The following CALN1 variants were observed in gnomAD, a reference collection of about 807,000 sequenced individuals.
CALN1 encodes the protein calcium-binding protein 8.
Under a neutral mutation model 30.6 loss-of-function variants are expected in CALN1, and 17 were observed. The ratio of observed to expected loss-of-function variants is 0.56; its 90% CI spans 0.38 to 0.83. The LOEUF (loss-of-function observed/expected upper bound fraction) is 0.83, where lower values mean the gene tolerates loss of function less well. Among genes scored for constraint, CALN1 ranks in the 40% least tolerant of loss-of-function variants. The pLI, the probability that CALN1 is intolerant of heterozygous loss-of-function variation, is 0.00. For synonymous variants in CALN1, 156 were observed against 131.4 expected (o/e 1.19, Z -1.28); for missense variants, 291 against 354.9 (o/e 0.82, Z 1.45).
chr7:71,864,413 T>C (rs964276782), intron 5 of CALN1, among the ~76,000 whole-genome samples: 1 of 152,176 alleles, frequency 6.6e-6, no homozygotes, highest in Non-Finnish European at 1.5e-5. Flanking sequence ...CAAGGATTCA[T>C]GGGCAGCCTG....
chr7:72,005,590 C>T (rs971744340), intron 5 of CALN1, among the ~76,000 whole-genome samples: 5 of 152,116 alleles, frequency 3.3e-5, no homozygotes, highest in African/African-American at 1.2e-4. Context: ...CCTCAGCCTC[C>T]CAAGTGCTAG....
intron 5 of CALN1, among the ~76,000 whole-genome samples, chr7:71,985,340 C>G (rs1798607646): frequency 6.6e-6 from 1 of 152,060 alleles, no homozygotes; most frequent in African/African-American, 2.4e-5. Flanking sequence ...TGAAACAAAG[C>G]TCTTTAGAAA....
intron 5 of CALN1, among the ~76,000 whole-genome samples, chr7:71,976,134 CTT>C (rs1798091705): frequency 6.6e-6 from 1 of 151,906 alleles, no homozygotes; most frequent in African/African-American, 2.4e-5. Context: ...CCACCATTGA[CTT>C]TATTTGAACA....
chr7:72,070,571 C>G (rs917573247), intron 4 of CALN1, among the ~76,000 whole-genome samples: 1 of 152,162 alleles, frequency 6.6e-6, no homozygotes. Context: ...TCTCCCACTT[C>G]GTTCTTCTTC....
chr7:72,282,031 T>C (rs1797764365), intron 2 of CALN1, among the ~76,000 whole-genome samples: 1 of 152,100 alleles, frequency 6.6e-6, no homozygotes, highest in Non-Finnish European at 1.5e-5. Context: ...GAAGAAACCA[T>C]GAGCAATGGA....
the CALN1 span, among the ~76,000 whole-genome samples, chr7:72,482,605 G>A: frequency 6.6e-6 from 1 of 151,976 alleles, no homozygotes; most frequent in African/African-American, 2.4e-5. Context: ...TGACATATAA[G>A]AACATTATAA....
intron 2 of CALN1, among the ~76,000 whole-genome samples, chr7:72,300,958 C>T (rs1799219012): frequency 6.6e-6 from 1 of 152,090 alleles, no homozygotes; most frequent in African/African-American, 2.4e-5. Context: ...CATGCCACCA[C>T]ACTCCAGCCT....
chr7:72,380,450 C>T (rs1277249258), intron 2 of CALN1, among the ~76,000 whole-genome samples: 1 of 152,138 alleles, frequency 6.6e-6, no homozygotes, highest in Non-Finnish European at 1.5e-5. Flanking sequence ...TAGCAAGACC[C>T]CGTCTCTACG....
intron 5 of CALN1, among the ~76,000 whole-genome samples, chr7:72,020,438 G>A (rs1040362480): frequency 1.3e-5 from 2 of 152,152 alleles, no homozygotes; most frequent in Non-Finnish European, 2.9e-5. Flanking sequence ...ACAAGCCAAT[G>A]CTGTAGAAGT....
chr7:72,091,090 G>A (rs1316727428), intron 4 of CALN1, among the ~76,000 whole-genome samples: 2 of 152,190 alleles, frequency 1.3e-5, no homozygotes, highest in Non-Finnish European at 2.9e-5. Flanking sequence ...CATTTTGGGA[G>A]GCAGAGGGTG....
chr7:72,294,973 A>G (rs1798753562), intron 2 of CALN1, among the ~76,000 whole-genome samples: 2 of 152,162 alleles, frequency 1.3e-5, no homozygotes, highest in East Asian at 1.9e-4. Flanking sequence ...ATAAGACCAC[A>G]GAGCAAACTT....
rs1218902971 is a variant in CALN1 at position 71,786,957 on chromosome 7, A to T, written c.*818T>A. ...AATGACATCACACACGAAGAAGCCA[A>T]ATATATATATCTGTCTATGTTATAG... On this transcript the variant is annotated 3_prime_UTR_variant, in exon 7 of 7. Coordinates refer to ENST00000395275, the MANE Select transcript of CALN1 (RefSeq NM_031468.4). 1 of 152,630 alleles carries T rather than the reference A, an allele frequency of 6.6e-6. No homozygotes were observed. Among genetic ancestry groups the T allele is most frequent in the Non-Finnish European group, 1.5e-5 (1 of 68,042 alleles). The allele number at this position is 152,630 out of a possible 1,614,324, so 9.5% of individuals were successfully genotyped here.
chr7:72,468,307 C>CT, the CALN1 span, among the ~76,000 whole-genome samples: 1 of 151,754 alleles, frequency 6.6e-6, no homozygotes. Flanking sequence ...TGTTCAACTG[C>CT]TTTTTTTTGT....
upstream of CALN1, among the ~76,000 whole-genome samples, chr7:72,450,364 G>C (rs1808635583): frequency 6.6e-6 from 1 of 152,136 alleles, no homozygotes; most frequent in South Asian, 2.1e-4. Flanking sequence ...ATGTACACCT[G>C]GCATAAACAG....
At chr7:71,856,149 T>A (rs765646808) in intron 5 of CALN1, among the ~76,000 whole-genome samples, 5 of 151,828 alleles carry the variant, frequency 3.3e-5, no homozygotes, top group Non-Finnish European at 5.9e-5. Context: ...AATATATACA[T>A]GCATACATAC....
chr7:72,297,996 T>C (rs1397996786), intron 2 of CALN1, among the ~76,000 whole-genome samples: 1 of 152,234 alleles, frequency 6.6e-6, no homozygotes, highest in Admixed American at 6.5e-5. Flanking sequence ...AGTTTGTAGA[T>C]AGTGCACTCA....
At chr7:72,029,674 A>T (rs191554611) in intron 4 of CALN1, among the ~76,000 whole-genome samples, 5 of 152,072 alleles carry the variant, frequency 3.3e-5, no homozygotes, top group Admixed American at 6.6e-5. Context: ...AAAAATCCCT[A>T]ATGTATGAGG....
chr7:72,057,955 T>C (rs565713242), intron 4 of CALN1, among the ~76,000 whole-genome samples: 2 of 152,326 alleles, frequency 1.3e-5, no homozygotes, highest in South Asian at 4.1e-4. Context: ...ATGCTGATAA[T>C]TTCCTCTGTG....
chr7:71,831,649 G>A (rs1277178553), intron 5 of CALN1, among the ~76,000 whole-genome samples: 1 of 151,606 alleles, frequency 6.6e-6, no homozygotes, highest in African/African-American at 2.4e-5. Flanking sequence ...ACTTTGGGAG[G>A]AGGAGGTGGG....
Sources: gnomAD v4.1 joint callset for allele counts (sites outside exome capture counted in the v4.1 genomes callset) on GRCh38, gnomAD v4.1.1 for gene constraint, MANE v1.5 for transcripts, NCBI Gene and HGNC (gene_info 2026-07-23, HGNC 2026-07-21) for gene names.